CNR1: variants seen among roughly 807,000 people sequenced by gnomAD.
CNR1 encodes cannabinoid receptor 1 (brain).
CNR1 carries 10 observed loss-of-function variants against 23.0 expected under a neutral mutation model. That is an observed-to-expected ratio of 0.43 (90% CI 0.27 to 0.74). The LOEUF is 0.74. Among genes scored for constraint, CNR1 ranks in the 30% least tolerant of loss-of-function variants. The probability of loss-of-function intolerance (pLI) is 0.19; values close to 1 mark genes in which losing one functional copy is unlikely to be tolerated. For missense variants in CNR1, 422 were observed against 618.8 expected, an observed-to-expected ratio of 0.68 and a Z score of 3.37; for synonymous variants, 271 against 255.2, an observed-to-expected ratio of 1.06 and a Z score of -0.59.
chr6:88,156,631 T>C (rs1367644541), intron 1 of CNR1, among the ~76,000 whole-genome samples: 2 of 152,256 alleles, frequency 1.3e-5, no homozygotes, highest in African/African-American at 4.8e-5. Flanking sequence ...CATCCTGTAG[T>C]TGTCTTTATT....
At chr6:88,157,043 C>G (rs989333247) in intron 1 of CNR1, among the ~76,000 whole-genome samples, 4 of 152,142 alleles carry the variant, frequency 2.6e-5, no homozygotes, top group Non-Finnish European at 5.9e-5. Context: ...AATCCTTGTT[C>G]AGCCTGAGTA....
In CNR1 at chr6:88,143,009, A is replaced by C. The variant is rs1205984396; in HGVS notation, c.*847T>G. 5 of 152,746 alleles carry C rather than the reference A, an allele frequency of 3.3e-5. No individual in the cohort carries two copies. Among genetic ancestry groups the C allele is most frequent in the Non-Finnish European group, 7.3e-5 (5 of 68,042 alleles). 9.5% of individuals were successfully genotyped at this position (152,746 alleles called of 1,614,324 possible). ...ATAGCTAAAGACTAAAGAAAGTCAG[A>C]GATGTCGCTCAAAAAAAGTCAATAT... On this transcript the variant is annotated 3_prime_UTR_variant, in exon 2 of 2. Transcript: ENST00000369501.
rs1369707392 is a variant in CNR1 at position 88,142,910 on chromosome 6, T to G, written c.*946A>C. On this transcript the variant is annotated 3_prime_UTR_variant, in exon 2 of 2. Coordinates refer to ENST00000369501, the MANE Select transcript of CNR1 (RefSeq NM_016083.6). ...CTGGAATATAGGAACACAATACTAT[T>G]CAAGTAAACAGCAACTGCACAGTGA... 2.0e-5 allele frequency: 3 copies of G among 152,754 alleles called. No individual in the cohort carries two copies. Among genetic ancestry groups the G allele is most frequent in the African/African-American group, 7.2e-5 (3 of 41,430 alleles). The allele number at this position is 152,754 out of a possible 1,614,324, so 9.5% of individuals were successfully genotyped here.
intron 1 of CNR1, among the ~76,000 whole-genome samples, chr6:88,153,306 T>A (rs1230878052): frequency 6.6e-6 from 1 of 152,222 alleles, no homozygotes; most frequent in Non-Finnish European, 1.5e-5. Context: ...TTTTAATGTT[T>A]ATCCAGAGTC....
chr6:88,145,067 G>C lies in CNR1; in HGVS notation c.208C>G (p.Leu70Val). Residue 70 changes from leucine (L) to valine (V), a missense_variant, in exon 2 of 2, where the codon CTA becomes GTA. This residue lies in a region of CNR1 where 120 missense variants were observed against 117.6 expected (regional missense o/e 1.02). Coordinates refer to ENST00000369501, the MANE Select transcript of CNR1 (RefSeq NM_016083.6). ...ATGTTCACCTGGTCTGCTGGGACTAGCTGGGGGTTGTCTCCCGCAGTCATC... is the reference window on the plus strand; with the variant it reads ...ATGTTCACCTGGTCTGCTGGGACTACCTGGGGGTTGTCTCCCGCAGTCATC... ...EKMTAGDNPQLVPADQVNITE... is the reference protein window; with the variant it reads ...EKMTAGDNPQVVPADQVNITE... The C allele has an allele frequency of 1.2e-6, 2 of 1,614,144 alleles. No individual in the cohort carries two copies. Among genetic ancestry groups the C allele is most frequent in the South Asian group, 2.2e-5 (2 of 91,082 alleles).
At chr6:88,159,067 C>G (rs753351087) in intron 1 of CNR1, among the ~76,000 whole-genome samples, 20 of 152,256 alleles carry the variant, frequency 1.3e-4, no homozygotes, top group Non-Finnish European at 2.2e-4. Context: ...ATTAAGAACT[C>G]CACACCATTT....
At chr6:88,149,522 G>A (rs1777406866) in intron 1 of CNR1, among the ~76,000 whole-genome samples, 1 of 152,196 alleles carries the variant, frequency 6.6e-6, no homozygotes, top group African/African-American at 2.4e-5. Context: ...CAATGTGTGA[G>A]AGCTGTTCCT....
Position 88,144,658 on chromosome 6 carries a change from C to A in CNR1, c.617G>T (p.Ser206Ile). 2 of 1,614,228 alleles carry A rather than the reference C, an allele frequency of 1.2e-6. No homozygotes were observed. Among genetic ancestry groups the A allele is most frequent in the Non-Finnish European group, 1.7e-6 (2 of 1,180,044 alleles). ...VTASFTASVG[S>I]LFLTAIDRYI... ...CCTGTCGATGGCTGTGAGGAACAGGCTGCCCACGGAGGCAGTGAAGGAGGC... is the reference window on the plus strand; with the variant it reads ...CCTGTCGATGGCTGTGAGGAACAGGATGCCCACGGAGGCAGTGAAGGAGGC... Residue 206 changes from serine to isoleucine, a missense_variant, in exon 2 of 2, where the codon AGC becomes ATC. Ser to Ile is a moderately radical substitution (Grantham distance 142, BLOSUM62 -2). Around this residue, in one of 4 missense-constraint regions of CNR1, gnomAD observed 211 missense variants for 357.3 expected, o/e 0.59. Transcript: ENST00000369501. This position sits in a 1 kb window ranked among gnomAD's most constrained non-coding sequence, Gnocchi z 7.8.
chr6:88,164,664 A>T (rs1441604187), intron 1 of CNR1, among the ~76,000 whole-genome samples: 1 of 152,228 alleles, frequency 6.6e-6, no homozygotes, highest in Non-Finnish European at 1.5e-5. Flanking sequence ...GGATTAGAAA[A>T]GCAACACTTT....
Position 88,143,855 on chromosome 6 carries a change from C to T in CNR1, c.*1G>A. On this transcript the variant is annotated 3_prime_UTR_variant, in exon 2 of 2. Coordinates refer to ENST00000369501, the MANE Select transcript of CNR1 (RefSeq NM_016083.6). ...CCTGTGCTGCCAGGGAGGCATCAGG[C>T]TCACAGAGCCTCGGCAGACGTGTCT... The T allele has an allele frequency of 6.2e-7, 1 of 1,610,766 alleles. No individual in the cohort carries two copies. The highest frequency in any genetic ancestry group is 8.5e-7 in the Non-Finnish European group (1 of 1,177,364).
In CNR1 at chr6:88,144,926, G is replaced by T; in HGVS notation, c.349C>A (p.Leu117Met). 6.2e-7 allele frequency: 1 copy of T among 1,614,204 alleles called. No individual in the cohort carries two copies. The stretch of plus-strand genomic sequence containing the variant: ...GTGAGGGACAGGACTGCAATGGCCA[G>T]CTGCTGGCTGGGGTTCAGGACCATG... Reference protein sequence around the residue: ...CFMVLNPSQQLAIAVLSLTLG... With the variant: ...CFMVLNPSQQMAIAVLSLTLG... The change falls in exon 2 of 2, where the codon CTG becomes ATG. Residue 117 changes from leucine to methionine, a missense_variant. Coordinates refer to ENST00000369501, the MANE Select transcript of CNR1 (RefSeq NM_016083.6). This position sits in a 1 kb window ranked among gnomAD's most constrained non-coding sequence, Gnocchi z 7.8.
In CNR1 at chr6:88,142,218, A is replaced by T. The variant is rs1396398701; in HGVS notation, c.*1638T>A. On this transcript the variant is annotated 3_prime_UTR_variant, in exon 2 of 2. Transcript: ENST00000369501. Reference sequence around the variant, plus strand: ...CAAAGCACAGATACAGCATAGCTAGACGTCAATGCCAAGTGTATCGGTTCT... The same window carrying T: ...CAAAGCACAGATACAGCATAGCTAGTCGTCAATGCCAAGTGTATCGGTTCT... 2 of 152,364 alleles carry T rather than the reference A, an allele frequency of 1.3e-5. No individual in the cohort carries two copies. Among genetic ancestry groups the T allele is most frequent in the African/African-American group, 2.4e-5 (1 of 41,446 alleles). The allele number at this position is 152,364 out of a possible 1,614,324, so 9.4% of individuals were successfully genotyped here. A position where few individuals can be genotyped will look rare whatever the true frequency, so the allele number is the denominator to read the frequency against.
At chr6:88,149,253 T>A (rs187954605) in intron 1 of CNR1, among the ~76,000 whole-genome samples, 113 of 152,292 alleles carry the variant, frequency 7.4e-4, no homozygotes, top group Middle Eastern at 6.8e-3. Flanking sequence ...ATCTAAAATA[T>A]CTCCTGAGTT....
chr6:88,158,405 TGAA>T (rs1777915270), intron 1 of CNR1, among the ~76,000 whole-genome samples: 1 of 152,216 alleles, frequency 6.6e-6, no homozygotes, highest in Admixed American at 6.5e-5. Context: ...ACCAACGGGC[TGAA>T]AATTATAATA....
chr6:88,167,019 T>C (rs1168817526), upstream of CNR1, among the ~76,000 whole-genome samples: 1 of 151,802 alleles, frequency 6.6e-6, no homozygotes, highest in African/African-American at 2.4e-5. Flanking sequence ...CCGCCCAGCT[T>C]CGCGCCAGGC....
At chr6:88,148,812 C>T (rs1777355445) in intron 1 of CNR1, among the ~76,000 whole-genome samples, 2 of 152,174 alleles carry the variant, frequency 1.3e-5, no homozygotes, top group South Asian at 4.1e-4. Context: ...ACTAATGTGA[C>T]AGGTAAGCCA....
chr6:88,144,719 G>A lies in CNR1; in HGVS notation c.556C>T (p.Arg186Cys). The A allele has an allele frequency of 6.2e-7, 1 of 1,614,154 alleles. No individual in the cohort carries two copies. The highest frequency in any genetic ancestry group is 8.5e-7 in the Non-Finnish European group (1 of 1,180,034). ...CCCAGTTTGAACAGAAACACGTTGC[G>A]GCTATCTTTGCGGTGGAACACGTGG... The part of the protein sequence containing the change: ...DFHVFHRKDS[R>C]NVFLFKLGGV... The change falls in exon 2 of 2, where the codon CGC (arginine) becomes TGC (cysteine). Residue 186 changes from arginine (R) to cysteine (C), a missense_variant. Arg to Cys is a radical substitution (Grantham distance 180). Around this residue, in one of 4 missense-constraint regions of CNR1, gnomAD observed 211 missense variants for 357.3 expected, o/e 0.59. Transcript: ENST00000369501. This position sits in a 1 kb window ranked among gnomAD's most constrained non-coding sequence, Gnocchi z 7.8.
intron 1 of CNR1, among the ~76,000 whole-genome samples, chr6:88,160,435 CTTTTTTTTT>C (rs1220920560): frequency 7.4e-6 from 1 of 135,178 alleles, no homozygotes; most frequent in East Asian, 2.1e-4. Context: ...TTTTTCTTTT[CTTTTTTTTT>C]TTTTTTTTGA....
rs766934700 is a variant in CNR1, at chr6:88,145,071, G to A, written c.204C>T (p.Pro68=). Residue 68 remains proline (P), a synonymous_variant, in exon 2 of 2, where the codon CCC becomes CCT. Transcript: ENST00000369501. ...FQEKMTAGDN[P]QLVPADQVNI... ...TCACCTGGTCTGCTGGGACTAGCTG[G>A]GGGTTGTCTCCCGCAGTCATCTTCT... 6.2e-7 allele frequency: 1 copy of A among 1,614,144 alleles called. No homozygotes were observed. Among genetic ancestry groups the A allele is most frequent in the Non-Finnish European group, 8.5e-7 (1 of 1,180,018 alleles).
Sources: allele counts gnomAD v4.1 joint callset (sites outside exome capture counted in the v4.1 genomes callset), GRCh38; gene constraint gnomAD v4.1.1; regional missense constraint gnomAD v4.1.1; non-coding constraint Gnocchi (gnomAD v3.1); transcripts MANE v1.5; gene names NCBI Gene and HGNC (gene_info 2026-07-23, HGNC 2026-07-21).